The following DMD variants were observed in gnomAD, a reference collection of about 807,000 sequenced individuals.
DMD encodes dystrophin.
In DMD, 63 loss-of-function variants were observed where a neutral mutation model predicts 330.1. That is an observed-to-expected ratio of 0.19 (90% confidence interval 0.16 to 0.24). The LOEUF is 0.24. Among genes scored for constraint, DMD ranks in the 10% least tolerant of loss-of-function variants. The pLI is 1.00. For synonymous variants in DMD, 1,223 were observed against 959.8 expected, an observed-to-expected ratio of 1.27 and a Z score of -5.07; for missense variants, 3,344 against 2,684.1, an observed-to-expected ratio of 1.25 and a Z score of -5.43.
At chrX:33,295,000 G>C (rs1211681262) in intron 1 of DMD, among the ~76,000 whole-genome samples, 2 of 110,867 alleles carry the variant, frequency 1.8e-5, no homozygotes, top group Non-Finnish European at 3.8e-5. Flanking sequence ...CATGGATTAC[G>C]TTTAGTTTTA....
At chrX:31,640,210 G>A (rs1054467323) in intron 54 of DMD, among the ~76,000 whole-genome samples, 2 of 111,922 alleles carry the variant, frequency 1.8e-5, no homozygotes, top group Non-Finnish European at 3.8e-5. Context: ...ACTCAAATCA[G>A]CCTGACAGTG....
At chrX:32,233,974 T>C (rs2097178809) in intron 43 of DMD, among the ~76,000 whole-genome samples, 1 of 111,014 alleles carries the variant, frequency 9.0e-6, no homozygotes, top group Non-Finnish European at 1.9e-5. Context: ...ATTGTATATA[T>C]ATGTAAGCTA....
intron 7 of DMD, among the ~76,000 whole-genome samples, chrX:32,762,507 T>A (rs1411069069): frequency 9.0e-6 from 1 of 111,346 alleles, no homozygotes; most frequent in East Asian, 2.8e-4. Flanking sequence ...TGATGATGAT[T>A]TTAAAGCAAG....
At chrX:32,806,351 G>C (rs190683500) in intron 7 of DMD, among the ~76,000 whole-genome samples, 29 of 110,726 alleles carry the variant, frequency 2.6e-4, no homozygotes, top group African/African-American at 9.0e-4. Flanking sequence ...AAAAGACAAA[G>C]AAGGGCATTA....
chrX:32,855,612 T>C (rs994453493), intron 2 of DMD, among the ~76,000 whole-genome samples: 7 of 111,736 alleles, frequency 6.3e-5, no homozygotes, highest in African/African-American at 2.0e-4. Context: ...GATATGGATA[T>C]GCAAAAGAAT....
At chrX:32,219,167 G>C (rs1173873565) in intron 43 of DMD, among the ~76,000 whole-genome samples, 1 of 111,978 alleles carries the variant, frequency 8.9e-6, no homozygotes, top group Non-Finnish European at 1.9e-5. Context: ...GTATTCTAGA[G>C]TTATTCAGAT....
rs767741227 is a variant in DMD, at chrX:31,840,416, T to C, written c.7099-3597A>G. 3.4e-4 allele frequency among the ~76,000 whole-genome samples: 38 copies of C among 111,067 alleles called. 3 individuals are homozygous for C. The highest frequency in any genetic ancestry group is 2.2e-3 in the East Asian group (8 of 3,569). ...GTATTAGATATGATAAATACACATA[T>C]CAACATATATGTATAATATGCACAT... On this transcript the variant is annotated intron_variant, in intron 48 of 78. Transcript: ENST00000357033.
At chrX:32,443,757 C>T (rs2098292162) in intron 27 of DMD, among the ~76,000 whole-genome samples, 1 of 111,119 alleles carries the variant, frequency 9.0e-6, no homozygotes, top group Admixed American at 9.6e-5. Context: ...CTTAGAATAA[C>T]TGTTAAGCTT....
rs150006523 is a variant in DMD, at chrX:32,448,052, A to T, written c.3786+404T>A. On this transcript the variant is annotated intron_variant, in intron 27 of 78. Transcript: ENST00000357033. ...ACTTCTCTACAGAATGCTTTTCCCC[A>T]AAGATACTTAAATAAGTTTATGTAC... Among the ~76,000 whole-genome samples, 475 of 111,128 alleles carry T rather than the reference A, an allele frequency of 4.3e-3. 2 individuals carry two copies. Among genetic ancestry groups the T allele is most frequent in the African/African-American group, 0.015 (449 of 30,725 alleles).
rs398123876 is a variant in DMD, at chrX:32,545,190, G to C, written c.2137C>G (p.Gln713Glu). The change falls in exon 17 of 79, where the codon CAG becomes GAG. Residue 713 changes from glutamine to glutamate, a missense_variant. Transcript: ENST00000357033. Reference protein sequence around the residue: ...LPPPPPQKKRQITVDSEIRKR... With the variant: ...LPPPPPQKKREITVDSEIRKR... ...CTAATTTCAGAATCCACAGTAATCT[G>C]CCTCTTCTTTTGGGGAGGTGGTGGT... The C allele has an allele frequency of 8.3e-7, 1 of 1,210,824 alleles. No individual in the cohort carries two copies. The highest frequency in any genetic ancestry group is 3.0e-5 in the East Asian group (1 of 33,824).
At chrX:31,707,839 C>T (rs1191189795) in intron 52 of DMD, among the ~76,000 whole-genome samples, 3 of 109,944 alleles carry the variant, frequency 2.7e-5, no homozygotes, top group Admixed American at 9.7e-5. Flanking sequence ...ACACTAAGCC[C>T]GAATCTCCCT....
At chrX:33,008,476 A>G (rs912613028) in intron 2 of DMD, among the ~76,000 whole-genome samples, 3 of 110,749 alleles carry the variant, frequency 2.7e-5, no homozygotes, top group Admixed American at 9.7e-5. Context: ...GAGTGTCACT[A>G]AAATGAAATC....
chrX:32,871,966 A>C (rs1423419332), intron 2 of DMD, among the ~76,000 whole-genome samples: 3 of 110,994 alleles, frequency 2.7e-5, no homozygotes, highest in Non-Finnish European at 3.8e-5. Context: ...GCGAGACTGA[A>C]AGTATGCTTC....
intron 1 of DMD, among the ~76,000 whole-genome samples, chrX:33,026,313 C>CAAAAAAAAAAAAAAAAAAAAAAAAAA (rs56794668): frequency 1.8e-4 from 6 of 32,782 alleles, no homozygotes; most frequent in African/African-American, 3.7e-4. Context: ...GACTCCGTCT[C>CAAAAAAAAAAAAAAAAAAAAAAAAAA]AAAAAAAAAA....
chrX:32,721,301 C>T (rs1179298267), intron 7 of DMD, among the ~76,000 whole-genome samples: 1 of 110,420 alleles, frequency 9.1e-6, no homozygotes, highest in Non-Finnish European at 1.9e-5. Flanking sequence ...TCCATAATGT[C>T]TGCTCTAATT....
At chrX:32,086,930 T>C (rs909224396) in intron 44 of DMD, among the ~76,000 whole-genome samples, 3 of 111,868 alleles carry the variant, frequency 2.7e-5, no homozygotes, top group African/African-American at 9.7e-5. Flanking sequence ...ATATATATTA[T>C]TGACTAAAAA....
At chrX:32,419,736 A>C (rs10521998) in intron 29 of DMD, among the ~76,000 whole-genome samples, 25,134 of 111,206 alleles carry the variant, frequency 0.23, 3,043 homozygotes, top group African/African-American at 0.47. Flanking sequence ...CATGGTTAAT[A>C]GGAACTTCAC....
chrX:33,271,159 G>T (rs1182040934), intron 1 of DMD, among the ~76,000 whole-genome samples: 2 of 110,923 alleles, frequency 1.8e-5, no homozygotes, highest in African/African-American at 6.5e-5. Context: ...CTAAGTTACA[G>T]TTCCAACATT....
intron 44 of DMD, among the ~76,000 whole-genome samples, chrX:31,999,184 T>C (rs764708713): frequency 8.9e-6 from 1 of 112,051 alleles, no homozygotes; most frequent in East Asian, 2.8e-4. Flanking sequence ...TACTTTCCCA[T>C]TTAAAGTAAC....
Sources: allele counts gnomAD v4.1 joint callset (sites outside exome capture counted in the v4.1 genomes callset), GRCh38; gene constraint gnomAD v4.1.1; transcripts MANE v1.5; gene names NCBI Gene and HGNC (gene_info 2026-07-23, HGNC 2026-07-21).